The following EDNRA variants were observed in gnomAD, a reference collection of about 807,000 sequenced individuals.
EDNRA encodes endothelin receptor type A, also known as endothelin-1 receptor.
In EDNRA, 11 loss-of-function variants were observed where a neutral mutation model predicts 41.4. That is an observed-to-expected ratio of 0.27 (90% CI 0.17 to 0.44). EDNRA has a LOEUF of 0.44. Ranked by LOEUF, EDNRA falls within the 20% of genes least tolerant of loss-of-function variation. The pLI, the probability that EDNRA is intolerant of heterozygous loss-of-function variation, is 1.00. For synonymous variants in EDNRA, 172 were observed against 183.0 expected (o/e 0.94, Z 0.49); for missense variants, 294 against 531.0 (o/e 0.55, Z 4.39).
At chr4:147,482,734 T>C (rs1418158482) in intron 1 of EDNRA, among the ~76,000 whole-genome samples, 1 of 152,160 alleles carries the variant, frequency 6.6e-6, no homozygotes. Context: ...GTTTTAATGA[T>C]AGCTGGCTCT....
chr4:147,533,210 C>T (rs945214078), intron 4 of EDNRA, among the ~76,000 whole-genome samples: 1 of 152,028 alleles, frequency 6.6e-6, no homozygotes, highest in Non-Finnish European at 1.5e-5. Flanking sequence ...TATATTAGTA[C>T]GGTTTCTATG....
chr4:147,522,486 C>T (rs996659561), intron 3 of EDNRA, among the ~76,000 whole-genome samples: 2 of 151,066 alleles, frequency 1.3e-5, no homozygotes, highest in Non-Finnish European at 1.5e-5. Context: ...TGCAGTGAGC[C>T]GAGATTAGAC....
intron 5 of EDNRA, among the ~76,000 whole-genome samples, chr4:147,538,752 T>G (rs1730998341): frequency 6.6e-6 from 1 of 152,092 alleles, no homozygotes; most frequent in Non-Finnish European, 1.5e-5. Context: ...TTAGCTAGAG[T>G]AGCGAGTTAT....
chr4:147,491,775 C>T (rs1170773964), intron 2 of EDNRA: 1 of 152,206 alleles, frequency 6.6e-6, no homozygotes, highest in African/African-American at 2.4e-5. Context: ...CTCCAAGAAT[C>T]ATGCTATCAT....
At chr4:147,509,254 G>T (rs1729835918) in intron 2 of EDNRA, among the ~76,000 whole-genome samples, 1 of 152,138 alleles carries the variant, frequency 6.6e-6, no homozygotes. Flanking sequence ...AATGTGTGAT[G>T]GTGAAGAGTA....
At chr4:147,535,777 A>T in intron 4 of EDNRA, 100 bp from the exon 5 acceptor site, 10 of 1,415,900 alleles carry the variant, frequency 7.1e-6, no homozygotes, top group Non-Finnish European at 9.6e-6. Flanking sequence ...TTACAGATGT[A>T]TCTGCAAGTT....
intron 2 of EDNRA, among the ~76,000 whole-genome samples, chr4:147,499,797 C>CTTTTTTTT (rs58464606): frequency 1.2e-4 from 10 of 85,350 alleles, no homozygotes; most frequent in Admixed American, 1.6e-4. Context: ...CTCTAAAAGT[C>CTTTTTTTT]TTTTTTTTTT....
chr4:147,523,951 A>T (rs1730437934), intron 3 of EDNRA, among the ~76,000 whole-genome samples: 1 of 152,010 alleles, frequency 6.6e-6, no homozygotes, highest in Admixed American at 6.6e-5. Context: ...CAAGAGGAGG[A>T]GTCCATTCAG....
chr4:147,505,797 C>T (rs1430628688), intron 2 of EDNRA, among the ~76,000 whole-genome samples: 2 of 151,312 alleles, frequency 1.3e-5, no homozygotes, highest in East Asian at 1.9e-4. Context: ...CACAGGTGCC[C>T]GCCACCATGC....
At chr4:147,538,031 G>A (rs1382532116) in intron 5 of EDNRA, among the ~76,000 whole-genome samples, 1 of 152,106 alleles carries the variant, frequency 6.6e-6, no homozygotes, top group Non-Finnish European at 1.5e-5. Flanking sequence ...TATCAAGTAG[G>A]GGTTGTGTTC....
In EDNRA at chr4:147,519,141, G is replaced by C. The variant is rs1333514728; in HGVS notation, c.421-710G>C. On this transcript the variant is annotated intron_variant, in intron 2 of 7. Coordinates refer to ENST00000651419, the MANE Select transcript of EDNRA (RefSeq NM_001957.4). The surrounding 1 kb of genome is among the most constrained non-coding windows in gnomAD (Gnocchi z 4.1). ...ACATTTTTCTGTATAGTAAGGGGAAGTTTGAGCCTAAATAGAGAAAAGCCA... is the reference window on the plus strand; with the variant it reads ...ACATTTTTCTGTATAGTAAGGGGAACTTTGAGCCTAAATAGAGAAAAGCCA... Among the ~76,000 whole-genome samples, 1 of 152,230 alleles carries C rather than the reference G, an allele frequency of 6.6e-6. No individual in the cohort carries two copies. Among genetic ancestry groups the C allele is most frequent in the Non-Finnish European group, 1.5e-5 (1 of 68,026 alleles).
At chr4:147,482,862 C>T (rs1728817926) in intron 1 of EDNRA, among the ~76,000 whole-genome samples, 1 of 152,200 alleles carries the variant, frequency 6.6e-6, no homozygotes, top group African/African-American at 2.4e-5. Flanking sequence ...GCAGTACCCA[C>T]CGTAGCCAGG....
intron 3 of EDNRA, among the ~76,000 whole-genome samples, chr4:147,532,148 TAAAA>T (rs61086622): frequency 0.36 from 41,013 of 114,346 alleles, 7,144 homozygotes; most frequent in African/African-American, 0.51. Context: ...CCGTCTCTAC[TAAAA>T]AAAAAAAAAA....
intron 2 of EDNRA, among the ~76,000 whole-genome samples, chr4:147,503,410 A>G (rs1324675709): frequency 1.3e-5 from 2 of 152,120 alleles, no homozygotes; most frequent in Non-Finnish European, 2.9e-5. Context: ...AGCAGAAGTC[A>G]CAGGGAACAG....
chr4:147,491,648 T>C (rs1371753705), intron 2 of EDNRA: 2 of 152,162 alleles, frequency 1.3e-5, no homozygotes, highest in African/African-American at 4.8e-5. Context: ...ACATTATCAG[T>C]GGTATGCATA....
At position 147,515,267 on chromosome 4, in the gene EDNRA, G is replaced by A. The variant is rs113095544; in HGVS notation, c.421-4584G>A. ...TGTCCTGTACATTGCAAAATGTTTA[G>A]CAGCATCCCAAGCCTCTACCCCTAG... On this transcript the variant is annotated intron_variant, in intron 2 of 7. Coordinates refer to ENST00000651419, the MANE Select transcript of EDNRA (RefSeq NM_001957.4). 7.8e-3 allele frequency among the ~76,000 whole-genome samples: 1,193 copies of A among 152,206 alleles called. 9 individuals are homozygous for A. Among genetic ancestry groups the A allele is most frequent in the African/African-American group, 0.027 (1,106 of 41,504 alleles).
rs777356341 is a variant in EDNRA, at chr4:147,540,401, C to T, written c.1059C>T (p.Ile353=). 1.1e-5 allele frequency: 18 copies of T among 1,612,668 alleles called. No homozygotes were observed. The highest frequency in any genetic ancestry group is 5.3e-5 in the African/African-American group (4 of 74,876). The change falls in exon 7 of 8, where the codon ATC becomes ATT. Residue 353 remains isoleucine, a synonymous_variant. Coordinates refer to ENST00000651419, the MANE Select transcript of EDNRA (RefSeq NM_001957.4). ...GTTTCTTACTGCTCATGGATTACAT[C>T]GGTATTAACTTGGCAACCATGAATT... ...LLSFLLLMDY[I]GINLATMNSC... is the part of the protein sequence containing the mutation.
chr4:147,519,885 A>C lies in EDNRA; in HGVS notation c.455A>C (p.Asp152Ala). 4 of 1,613,256 alleles carry C rather than the reference A, an allele frequency of 2.5e-6. No individual in the cohort carries two copies. Among genetic ancestry groups the C allele is most frequent in the Non-Finnish European group, 3.4e-6 (4 of 1,179,588 alleles). Residue 152 changes from aspartate (D) to alanine (A), a missense_variant, in exon 3 of 8, where the codon GAC becomes GCC. Physicochemically the swap from Asp to Ala is moderately radical, Grantham distance 126 (BLOSUM62 -2). This residue lies in a region of EDNRA where 185 missense variants were observed against 390.8 expected (regional missense o/e 0.47). Coordinates refer to ENST00000651419, the MANE Select transcript of EDNRA (RefSeq NM_001957.4). This position sits in a 1 kb window ranked among gnomAD's most constrained non-coding sequence, Gnocchi z 4.1. ...LAGRWPFDHN[D>A]FGVFLCKLFP... ...GGGCGCTGGCCTTTTGATCACAATG[A>C]CTTTGGCGTATTTCTTTGCAAGCTG...
chr4:147,528,840 G>A (rs2126467260), intron 3 of EDNRA, among the ~76,000 whole-genome samples: 1 of 152,250 alleles, frequency 6.6e-6, no homozygotes, highest in African/African-American at 2.4e-5. Flanking sequence ...GGAAGGAAGT[G>A]AGGAAGCAGC....
Sources: allele counts gnomAD v4.1 joint callset (sites outside exome capture counted in the v4.1 genomes callset), GRCh38; gene constraint gnomAD v4.1.1; regional missense constraint gnomAD v4.1.1; non-coding constraint Gnocchi (gnomAD v3.1); transcripts MANE v1.5; gene names NCBI Gene and HGNC (gene_info 2026-07-23, HGNC 2026-07-21).